CBLB: variants seen among roughly 807,000 people sequenced by gnomAD.
CBLB encodes the protein E3 ubiquitin-protein ligase CBL-B.
CBLB carries 31 observed loss-of-function variants against 104.9 expected under a neutral mutation model. That is an observed-to-expected ratio of 0.30 (90% CI 0.22 to 0.40). The LOEUF is 0.40. Among genes scored for constraint, CBLB ranks in the 10% least tolerant of loss-of-function variants. The probability of loss-of-function intolerance (pLI) is 1.00; values close to 1 mark genes in which losing one functional copy is unlikely to be tolerated. For synonymous variants in CBLB, 440 were observed against 422.6 expected, an observed-to-expected ratio of 1.04 and a Z score of -0.51; for missense variants, 1,062 against 1,214.6, an observed-to-expected ratio of 0.87 and a Z score of 1.87.
intron 10 of CBLB, among the ~76,000 whole-genome samples, chr3:105,716,299 T>C (rs1235669502): frequency 1.3e-5 from 2 of 152,154 alleles, no homozygotes; most frequent in Admixed American, 6.6e-5. Flanking sequence ...AAAATATGCA[T>C]AAGATTAGGT....
chr3:105,790,643 C>A (rs2081524260), intron 3 of CBLB, among the ~76,000 whole-genome samples: 1 of 152,178 alleles, frequency 6.6e-6, no homozygotes, highest in African/African-American at 2.4e-5. Context: ...TACATACACT[C>A]TAACTGTACA....
chr3:105,698,433 G>C (rs2068666996), intron 12 of CBLB, among the ~76,000 whole-genome samples: 1 of 151,608 alleles, frequency 6.6e-6, no homozygotes. Context: ...CCATTGACAG[G>C]GTATTGACTT....
chr3:105,698,605 C>CAAAAAAA (rs34896633), intron 12 of CBLB, among the ~76,000 whole-genome samples: 2 of 80,784 alleles, frequency 2.5e-5, no homozygotes, highest in African/African-American at 4.8e-5. Context: ...ACCATTTGAC[C>CAAAAAAA]AAAAAAAAAA....
intron 3 of CBLB, among the ~76,000 whole-genome samples, chr3:105,810,433 T>C (rs944728143): frequency 2.0e-5 from 3 of 152,132 alleles, no homozygotes; most frequent in African/African-American, 7.2e-5. Context: ...TCCTAAGACA[T>C]ACACCACAGC....
chr3:105,804,345 A>G lies in CBLB; in HGVS notation c.420-27803T>C, dbSNP rs1269872865. ...ACCAACCTGGGCAAGATGGTGAAAC[A>G]CCGTCTCTACCAAAAATACAAAAAA... On this transcript the variant is annotated intron_variant, in intron 3 of 18. Transcript: ENST00000394030. 2.7e-5 allele frequency among the ~76,000 whole-genome samples: 4 copies of G among 149,754 alleles called. No homozygotes were observed. In the East Asian group the frequency reaches 7.8e-4, roughly 29 times the overall value.
intron 4 of CBLB, among the ~76,000 whole-genome samples, chr3:105,758,178 A>C (rs1560110674): frequency 6.6e-6 from 1 of 152,208 alleles, no homozygotes; most frequent in Non-Finnish European, 1.5e-5. Context: ...TCTATCAATA[A>C]GGGAAAAGCA....
chr3:105,690,235 G>A (rs997399070), intron 13 of CBLB, among the ~76,000 whole-genome samples: 1 of 152,098 alleles, frequency 6.6e-6, no homozygotes, highest in African/African-American at 2.4e-5. Context: ...GCGTAATTTT[G>A]CTTTGGCCTG....
At chr3:105,826,526 G>C (rs1163726401) in intron 3 of CBLB, among the ~76,000 whole-genome samples, 2 of 152,098 alleles carry the variant, frequency 1.3e-5, no homozygotes, top group Non-Finnish European at 2.9e-5. Context: ...ATGGTTTCTC[G>C]ACAGCTTTTG....
intron 3 of CBLB, among the ~76,000 whole-genome samples, chr3:105,827,492 A>ATG (rs72336872): frequency 0.13 from 19,075 of 150,758 alleles, 1,296 homozygotes; most frequent in African/African-American, 0.18. Context: ...ACCAGTGTGT[A>ATG]TGTGTGTGTG....
chr3:105,780,831 T>C (rs2080172877), intron 3 of CBLB, among the ~76,000 whole-genome samples: 1 of 151,864 alleles, frequency 6.6e-6, no homozygotes, highest in African/African-American at 2.4e-5. Context: ...CCCAGCTAAT[T>C]TTTTGTAGTT....
intron 3 of CBLB, among the ~76,000 whole-genome samples, chr3:105,814,649 TTATCTTCAGTTTAGGCTTC>T (rs1199016052): frequency 1.3e-5 from 2 of 152,162 alleles, no homozygotes; most frequent in Admixed American, 1.3e-4. Context: ...CCTACTGCCA[TTATCTTCAGTTTAGGCTTC>T]AATTATTTCT....
intron 10 of CBLB, among the ~76,000 whole-genome samples, chr3:105,708,005 C>T (rs944958267): frequency 1.3e-5 from 2 of 152,004 alleles, no homozygotes; most frequent in Non-Finnish European, 2.9e-5. Flanking sequence ...GACTTTTCCC[C>T]TGTACAGGTA....
chr3:105,868,355 TCCCTGCTCAGGC>T, intron 1 of CBLB: 1 of 536,218 alleles, frequency 1.9e-6, no homozygotes, highest in South Asian at 1.0e-4. Context: ...CTGTGTCCCT[TCCCTGCTCAGGC>T]CCCTTCCCGG....
At chr3:105,680,142 G>A (rs1482802789) in intron 16 of CBLB, among the ~76,000 whole-genome samples, 3 of 152,198 alleles carry the variant, frequency 2.0e-5, no homozygotes, top group African/African-American at 4.8e-5. Flanking sequence ...AAAGAGAAAT[G>A]TAGACAAGTG....
intron 7 of CBLB, among the ~76,000 whole-genome samples, chr3:105,739,018 C>T (rs2075258883): frequency 6.6e-6 from 1 of 152,118 alleles, no homozygotes; most frequent in African/African-American, 2.4e-5. Context: ...GGTGATTAAC[C>T]CATCTTAGCC....
intron 13 of CBLB, among the ~76,000 whole-genome samples, chr3:105,686,517 G>A (rs1015198308): frequency 6.6e-6 from 1 of 151,208 alleles, no homozygotes; most frequent in African/African-American, 2.4e-5. Flanking sequence ...GGGAGCAAGA[G>A]GCCTTTGGTA....
intron 4 of CBLB, among the ~76,000 whole-genome samples, chr3:105,760,107 G>A (rs2077476166): frequency 6.6e-6 from 1 of 152,098 alleles, no homozygotes; most frequent in South Asian, 2.1e-4. Context: ...CAATTATTTT[G>A]TTCACATGAT....
rs1320805966 is a variant in CBLB at position 105,868,231 on chromosome 3, T to C, written c.-15+505A>G. Reference sequence around the variant, plus strand: ...GAACCAAATGAAATTAACACACAAATAGCCCATTTGAAAAGAGAAAAGAGA... The same window carrying C: ...GAACCAAATGAAATTAACACACAAACAGCCCATTTGAAAAGAGAAAAGAGA... On this transcript the variant is annotated intron_variant, in intron 1 of 18. Coordinates refer to ENST00000394030, the MANE Select transcript of CBLB (RefSeq NM_170662.5). 8.9e-6 allele frequency: 11 copies of C among 1,232,174 alleles called. No individual in the cohort carries two copies. In the East Asian group the frequency reaches 9.5e-5, roughly 11 times the overall value. The allele number at this position is 1,232,174 out of a possible 1,614,324, so 76.3% of individuals were successfully genotyped here.
intron 3 of CBLB, among the ~76,000 whole-genome samples, chr3:105,831,352 T>C (rs1389396440): frequency 1.3e-5 from 2 of 152,208 alleles, no homozygotes; most frequent in African/African-American, 4.8e-5. Context: ...CTCAAATACA[T>C]TTCCCCATTG....
Sources: gnomAD v4.1 joint callset for allele counts (sites outside exome capture counted in the v4.1 genomes callset) on GRCh38, gnomAD v4.1.1 for gene constraint, MANE v1.5 for transcripts, NCBI Gene and HGNC (gene_info 2026-07-23, HGNC 2026-07-21) for gene names.